The following EBF1 variants were observed in gnomAD, a reference collection of about 807,000 sequenced individuals.
EBF1 encodes the protein EBF transcription factor 1.
EBF1 carries 10 observed loss-of-function variants against 68.4 expected under a neutral mutation model. The ratio of observed to expected loss-of-function variants is 0.15; its 90% confidence interval spans 0.09 to 0.25. The LOEUF (loss-of-function observed/expected upper bound fraction) is 0.25. Among genes scored for constraint, EBF1 ranks in the 10% least tolerant of loss-of-function variants. The pLI, the probability that EBF1 is intolerant of heterozygous loss-of-function variation, is 1.00. For synonymous variants in EBF1, 298 were observed against 299.8 expected (o/e 0.99, Z 0.06); for missense variants, 509 against 794.4 (o/e 0.64, Z 4.32).
At chr5:158,701,042 G>C (rs1353283358) in intron 15 of EBF1, among the ~76,000 whole-genome samples, 1 of 152,140 alleles carries the variant, frequency 6.6e-6, no homozygotes, top group African/African-American at 2.4e-5. Context: ...GAGGCGCAGG[G>C]GAGTCTTTGC....
intron 6 of EBF1, among the ~76,000 whole-genome samples, chr5:159,054,346 T>G (rs889501886): frequency 7.2e-5 from 11 of 152,314 alleles, no homozygotes; most frequent in Middle Eastern, 3.4e-3. Context: ...ACAATTTTAT[T>G]TCTTTGGAAA....
intron 6 of EBF1, among the ~76,000 whole-genome samples, chr5:159,051,119 G>A (rs1450790841): frequency 6.6e-6 from 1 of 152,006 alleles, no homozygotes; most frequent in African/African-American, 2.4e-5. Flanking sequence ...TCCTAACCAA[G>A]TAACCTATGA....
At chr5:158,919,582 T>G (rs1807953380) in intron 6 of EBF1, among the ~76,000 whole-genome samples, 1 of 152,142 alleles carries the variant, frequency 6.6e-6, no homozygotes, top group Non-Finnish European at 1.5e-5. Context: ...ACGGTGCTCA[T>G]TTTTTTGAAT....
chr5:159,084,622 T>A, intron 5 of EBF1, 44 bp downstream of exon 5: 1 of 1,410,696 alleles, frequency 7.1e-7, no homozygotes, highest in Non-Finnish European at 9.6e-7. Flanking sequence ...TGCAAATTCA[T>A]CTTCTCTTTG....
chr5:158,734,834 G>T (rs1290593781), intron 10 of EBF1, among the ~76,000 whole-genome samples: 1 of 152,156 alleles, frequency 6.6e-6, no homozygotes, highest in Non-Finnish European at 1.5e-5. Flanking sequence ...CAAGAGGAAT[G>T]GAATGATGAG....
At chr5:158,793,114 T>A (rs1778973470) in intron 9 of EBF1, among the ~76,000 whole-genome samples, 1 of 152,200 alleles carries the variant, frequency 6.6e-6, no homozygotes, top group Non-Finnish European at 1.5e-5. Flanking sequence ...CTTATTTAAC[T>A]TCCCCAAGCT....
intron 6 of EBF1, among the ~76,000 whole-genome samples, chr5:158,957,583 T>A (rs1342501878): frequency 1.3e-5 from 2 of 152,234 alleles, no homozygotes; most frequent in African/African-American, 2.4e-5. Context: ...TGGTCCCAAC[T>A]CTGCCACTAC....
At chr5:158,774,158 G>T (rs1034392121) in intron 10 of EBF1, among the ~76,000 whole-genome samples, 1 of 152,020 alleles carries the variant, frequency 6.6e-6, no homozygotes. Context: ...AAACACAAGG[G>T]CATGGCACAT....
chr5:159,024,365 A>G (rs1410363118), intron 6 of EBF1, among the ~76,000 whole-genome samples: 1 of 152,220 alleles, frequency 6.6e-6, no homozygotes, highest in East Asian at 1.9e-4. Flanking sequence ...CCAGAACCTA[A>G]GTCTTGGAGA....
At chr5:158,993,928 A>G (rs910970110) in intron 6 of EBF1, among the ~76,000 whole-genome samples, 2 of 152,206 alleles carry the variant, frequency 1.3e-5, no homozygotes, top group African/African-American at 2.4e-5. Flanking sequence ...GTCCTAGGTA[A>G]ATAGGCAGGC....
Position 158,807,967 on chromosome 5 carries a change from A to G in EBF1, c.779-11492T>C, listed in dbSNP as rs557227843. Among the ~76,000 whole-genome samples, 4 of 152,222 alleles carry G rather than the reference A, an allele frequency of 2.6e-5. No homozygotes were observed. In the South Asian group the frequency reaches 8.3e-4, roughly 32 times the overall value. On this transcript the variant is annotated intron_variant, in intron 8 of 15. Coordinates refer to ENST00000313708, the MANE Select transcript of EBF1 (RefSeq NM_024007.5). ...TGCTTTTCGGAATAGTTCTGCTTAT[A>G]TTTCTCTCCACAACCGAGGCTGCCA... is the stretch of plus-strand genomic sequence containing the variant.
intron 6 of EBF1, among the ~76,000 whole-genome samples, chr5:158,916,860 A>G (rs917417294): frequency 6.6e-6 from 1 of 152,118 alleles, no homozygotes; most frequent in African/African-American, 2.4e-5. Context: ...ATACATTTGG[A>G]GCCATTGTCT....
intron 10 of EBF1, among the ~76,000 whole-genome samples, chr5:158,771,830 G>A (rs1773934308): frequency 6.6e-6 from 1 of 152,122 alleles, no homozygotes; most frequent in South Asian, 2.1e-4. Flanking sequence ...GAGCACATAA[G>A]CAACTTGTCT....
intron 6 of EBF1, among the ~76,000 whole-genome samples, chr5:159,037,942 T>C (rs1033102173): frequency 6.6e-6 from 1 of 152,052 alleles, no homozygotes; most frequent in Non-Finnish European, 1.5e-5. Context: ...TTCAAGTCAA[T>C]TTGCAGGGAC....
At chr5:158,980,585 C>T (rs935711108) in intron 6 of EBF1, among the ~76,000 whole-genome samples, 2 of 152,132 alleles carry the variant, frequency 1.3e-5, no homozygotes, top group Admixed American at 6.5e-5. Flanking sequence ...CAAATATCAA[C>T]CCCCCGCAAG....
intron 7 of EBF1, among the ~76,000 whole-genome samples, chr5:158,828,593 A>T (rs1786753495): frequency 6.6e-6 from 1 of 152,234 alleles, no homozygotes. Context: ...AAACAAGGGA[A>T]ACCTGAATAA....
intron 6 of EBF1, among the ~76,000 whole-genome samples, chr5:158,894,667 T>C (rs993277086): frequency 6.6e-6 from 1 of 152,186 alleles, no homozygotes; most frequent in Admixed American, 6.5e-5. Flanking sequence ...GAGCAGGAAG[T>C]GTGGCAGAAG....
At chr5:158,863,231 G>A (rs1020244753) in intron 6 of EBF1, among the ~76,000 whole-genome samples, 2 of 151,896 alleles carry the variant, frequency 1.3e-5, no homozygotes, top group Non-Finnish European at 2.9e-5. Context: ...GCCCATTCCT[G>A]GTCTAAAAAA....
chr5:158,996,857 C>T (rs1489370544), intron 6 of EBF1, among the ~76,000 whole-genome samples: 1 of 152,186 alleles, frequency 6.6e-6, no homozygotes, highest in South Asian at 2.1e-4. Flanking sequence ...TACCTCCTGT[C>T]TTGACAAATA....
Sources: gnomAD v4.1 joint callset for allele counts (sites outside exome capture counted in the v4.1 genomes callset) on GRCh38, gnomAD v4.1.1 for gene constraint, MANE v1.5 for transcripts, NCBI Gene and HGNC (gene_info 2026-07-23, HGNC 2026-07-21) for gene names.